Variants in RFX3 observed in about 807,000 individuals in gnomAD.
The protein encoded by RFX3 is regulatory factor X3, also known as transcription factor RFX3.
RFX3 carries 14 observed loss-of-function variants against 98.6 expected under a neutral mutation model. The ratio of observed to expected loss-of-function variants is 0.14; its 90% CI spans 0.09 to 0.22. The LOEUF (loss-of-function observed/expected upper bound fraction) is 0.22. Ranked by LOEUF, RFX3 falls within the 10% of genes least tolerant of loss-of-function variation. The pLI, the probability that RFX3 is intolerant of heterozygous loss-of-function variation, is 1.00. For synonymous variants in RFX3, 383 were observed against 328.4 expected (o/e 1.17, Z -1.80); for missense variants, 639 against 926.9 (o/e 0.69, Z 4.03).
chr9:3,289,503 G>A (rs148776417), intron 6 of RFX3, among the ~76,000 whole-genome samples: 121 of 152,174 alleles, frequency 8.0e-4, no homozygotes, highest in Middle Eastern at 3.4e-3. Context: ...AATTTGTGGC[G>A]TTCTCCTGTA....
chr9:3,454,070 A>G (rs1215580359), intron 1 of RFX3, among the ~76,000 whole-genome samples: 2 of 152,184 alleles, frequency 1.3e-5, no homozygotes, highest in Non-Finnish European at 1.5e-5. Context: ...TTGTGTGCAC[A>G]AATATGTGAA....
Position 3,448,399 on chromosome 9 carries a change from G to A in RFX3, c.-8-52803C>T, listed in dbSNP as rs189868600. The stretch of plus-strand genomic sequence containing the variant: ...TAAAAGGACCAAATAATTCCATTTC[G>A]ACCTTTACATCCCCAAATCCATTTG... On this transcript the variant is annotated intron_variant, in intron 1 of 16. Transcript: ENST00000617270. Among the ~76,000 whole-genome samples the A allele has an allele frequency of 8.5e-4, 130 of 152,176 alleles. 1 individual carries two copies. Among genetic ancestry groups the A allele is most frequent in the Non-Finnish European group, 1.7e-3 (117 of 68,014 alleles).
At position 3,263,040 on chromosome 9, in the gene RFX3, C is replaced by T. The variant is rs367839244; in HGVS notation, c.1500G>A (p.Thr500=). 7.4e-5 allele frequency: 119 copies of T among 1,613,672 alleles called. No individual in the cohort carries two copies. In the Admixed American group the frequency reaches 1.0e-3, roughly 14 times the overall value. The change falls in exon 13 of 17, where the codon ACG becomes ACA. Residue 500 remains threonine, a synonymous_variant. Transcript: ENST00000617270. ...SAFAQTLRRY[T]SLNHLAQAAR... ...CTGCCTGGGCCAGGTGATTAAGCGA[C>T]GTGTATCTTCGCAGAGTCTGGGCAA...
chr9:3,504,250 T>TTATATATAATATATGCTATA (rs1254189926), intron 1 of RFX3, among the ~76,000 whole-genome samples: 2 of 130,928 alleles, frequency 1.5e-5, no homozygotes, highest in Admixed American at 1.7e-4. Context: ...TATATATATT[T>TTATATATAATATATGCTATA]TATATATAAT....
chr9:3,423,898 A>G (rs534975916), intron 1 of RFX3, among the ~76,000 whole-genome samples: 2 of 150,940 alleles, frequency 1.3e-5, no homozygotes, highest in East Asian at 3.9e-4. Context: ...CTGTAATCCC[A>G]GCACTCTGGG....
rs879456010 is a variant in RFX3, at chr9:3,366,690, TTTCC to T, written c.118-19930_118-19927del. ...TCTCTTTCTCTTTCTTTCTTCTTTC[TTTCC>T]TTTCTTTCTTTCTTTCTTTCTTTCT... On this transcript the variant is annotated intron_variant, in intron 2 of 16. Coordinates refer to ENST00000617270, the MANE Select transcript of RFX3 (RefSeq NM_001282116.2). Among the ~76,000 whole-genome samples, 174 of 127,360 alleles carry T rather than the reference TTTCC, an allele frequency of 1.4e-3. 3 individuals are homozygous for T. The highest frequency in any genetic ancestry group is 5.0e-3 in the South Asian group (19 of 3,836). The allele number at this position is 127,360 out of a possible 152,430, so 83.6% of individuals were successfully genotyped here.
At chr9:3,411,481 C>T (rs1410970762) in intron 1 of RFX3, among the ~76,000 whole-genome samples, 1 of 151,948 alleles carries the variant, frequency 6.6e-6, no homozygotes, top group Non-Finnish European at 1.5e-5. Context: ...TCCCAAGTAG[C>T]TGGGATTACA....
At chr9:3,485,523 T>TA (rs1159798661) in intron 1 of RFX3, among the ~76,000 whole-genome samples, 3 of 152,238 alleles carry the variant, frequency 2.0e-5, no homozygotes, top group African/African-American at 7.2e-5. Context: ...TGCTTCATTC[T>TA]AACATTGTTG....
intron 3 of RFX3, among the ~76,000 whole-genome samples, chr9:3,342,215 T>G (rs970185094): frequency 6.6e-6 from 1 of 152,226 alleles, no homozygotes; most frequent in Non-Finnish European, 1.5e-5. Context: ...TAGATATTAC[T>G]CAGGTACAAG....
At chr9:3,241,183 T>C (rs1164353789) in intron 15 of RFX3, among the ~76,000 whole-genome samples, 1 of 151,912 alleles carries the variant, frequency 6.6e-6, no homozygotes, top group Non-Finnish European at 1.5e-5. Context: ...TGACAGGCAC[T>C]TTCTAAGGAG....
intron 1 of RFX3, among the ~76,000 whole-genome samples, chr9:3,504,982 A>ATAT (rs1202030754): frequency 7.4e-5 from 6 of 80,992 alleles, no homozygotes; most frequent in Admixed American, 2.2e-4. Context: ...ATTATATAAT[A>ATAT]TATATGTTAT....
At chr9:3,508,766 T>G (rs1817371749) in intron 1 of RFX3, among the ~76,000 whole-genome samples, 2 of 151,996 alleles carry the variant, frequency 1.3e-5, no homozygotes, top group African/African-American at 4.8e-5. Context: ...CTTTCATATT[T>G]GTTACCACAA....
chr9:3,240,519 G>A (rs993896144), intron 15 of RFX3, among the ~76,000 whole-genome samples: 2 of 152,148 alleles, frequency 1.3e-5, no homozygotes, highest in African/African-American at 4.8e-5. Context: ...GAGTGGCAGT[G>A]TAGAAACATG....
intron 4 of RFX3, among the ~76,000 whole-genome samples, chr9:3,309,807 A>G (rs1261538625): frequency 6.6e-6 from 1 of 152,230 alleles, no homozygotes; most frequent in Non-Finnish European, 1.5e-5. Flanking sequence ...ATTGCCTTCT[A>G]AAGGAGAGTC....
chr9:3,420,429 A>G (rs1236495187), intron 1 of RFX3, among the ~76,000 whole-genome samples: 2 of 152,210 alleles, frequency 1.3e-5, no homozygotes, highest in Non-Finnish European at 2.9e-5. Flanking sequence ...CAGCTTTACT[A>G]TTTACAAAAT....
chr9:3,232,329 C>G (rs990443286), intron 15 of RFX3, among the ~76,000 whole-genome samples: 3 of 152,150 alleles, frequency 2.0e-5, no homozygotes, highest in Non-Finnish European at 4.4e-5. Context: ...GAGTGTCACA[C>G]AGTCAATATT....
intron 1 of RFX3, chr9:3,420,977 G>A (rs1270106209): frequency 9.3e-6 from 7 of 751,830 alleles, no homozygotes; most frequent in Non-Finnish European, 1.1e-5. Context: ...AAGGAGTAAT[G>A]AAATCTGTGG....
chr9:3,306,191 G>A (rs536951017), intron 4 of RFX3, among the ~76,000 whole-genome samples: 3 of 152,162 alleles, frequency 2.0e-5, no homozygotes, highest in South Asian at 4.2e-4. Context: ...AGTGTTCAAT[G>A]TGATATTCTC....
At chr9:3,357,619 AGTTG>A (rs1835930548) in intron 2 of RFX3, among the ~76,000 whole-genome samples, 1 of 152,004 alleles carries the variant, frequency 6.6e-6, no homozygotes, top group African/African-American at 2.4e-5. Flanking sequence ...GATGAAGAGA[AGTTG>A]GTTAATGGAT....
Sources: gnomAD v4.1 joint callset for allele counts (sites outside exome capture counted in the v4.1 genomes callset) on GRCh38, gnomAD v4.1.1 for gene constraint, MANE v1.5 for transcripts, NCBI Gene and HGNC (gene_info 2026-07-23, HGNC 2026-07-21) for gene names.